Variants in SAMD12 observed in about 807,000 individuals in gnomAD.
The protein encoded by SAMD12 is sterile alpha motif domain-containing protein 12.
A neutral mutation model predicts 15.0 loss-of-function variants in SAMD12; 9 were observed. The ratio of observed to expected loss-of-function variants is 0.60; its 90% CI spans 0.36 to 1.05. The LOEUF (loss-of-function observed/expected upper bound fraction) is 1.05, where lower values mean the gene tolerates loss of function less well. Ranked by LOEUF, SAMD12 falls within the 50% of genes least tolerant of loss-of-function variation. The probability of loss-of-function intolerance (pLI) is 0.01; values close to 1 mark genes in which losing one functional copy is unlikely to be tolerated. For missense variants in SAMD12, 230 were observed against 234.2 expected (o/e 0.98, Z 0.12); for synonymous variants, 86 against 90.1 (o/e 0.96, Z 0.25).
chr8:118,528,743 T>C (rs1295553794), intron 2 of SAMD12, among the ~76,000 whole-genome samples: 1 of 152,216 alleles, frequency 6.6e-6, no homozygotes, highest in East Asian at 1.9e-4. Context: ...CTGCTATCTG[T>C]ATTTCTGTGC....
chr8:118,317,884 C>A (rs1206559836), intron 4 of SAMD12, among the ~76,000 whole-genome samples: 3 of 152,006 alleles, frequency 2.0e-5, no homozygotes, highest in Non-Finnish European at 4.4e-5. Context: ...AAAAAGTAGG[C>A]AAATGACATG....
chr8:118,269,324 A>T (rs893644010), intron 4 of SAMD12, among the ~76,000 whole-genome samples: 1 of 151,788 alleles, frequency 6.6e-6, no homozygotes, highest in African/African-American at 2.4e-5. Context: ...AGAATGTTTT[A>T]GAAATCAATA....
At chr8:118,254,560 C>G (rs2630118) in intron 4 of SAMD12, among the ~76,000 whole-genome samples, 13 of 152,194 alleles carry the variant, frequency 8.5e-5, no homozygotes, top group African/African-American at 3.1e-4. Context: ...TTCCTTCTGT[C>G]CTGGGGCCTC....
chr8:118,209,500 G>A (rs932812750), intron 4 of SAMD12, among the ~76,000 whole-genome samples: 4 of 152,184 alleles, frequency 2.6e-5, no homozygotes, highest in Non-Finnish European at 5.9e-5. Context: ...AAACTGTGTG[G>A]ACTGGGCTAT....
chr8:118,152,357 C>T, the SAMD12 span, among the ~76,000 whole-genome samples: 1 of 152,130 alleles, frequency 6.6e-6, no homozygotes, highest in East Asian at 1.9e-4. Context: ...TTCAAAATAG[C>T]CAGAATTTTG....
intron 2 of SAMD12, among the ~76,000 whole-genome samples, chr8:118,521,925 C>T (rs1038825785): frequency 1.3e-5 from 2 of 151,964 alleles, no homozygotes; most frequent in East Asian, 3.9e-4. Flanking sequence ...GATTACTCAA[C>T]AAGGAATCTT....
At chr8:118,399,662 A>G (rs1257582125) in intron 3 of SAMD12, among the ~76,000 whole-genome samples, 2 of 152,116 alleles carry the variant, frequency 1.3e-5, no homozygotes, top group African/African-American at 2.4e-5. Flanking sequence ...CTTCTGCCCA[A>G]TCCTGCTTCT....
intron 3 of SAMD12, among the ~76,000 whole-genome samples, chr8:118,393,443 T>C (rs894459952): frequency 6.6e-6 from 1 of 152,080 alleles, no homozygotes; most frequent in African/African-American, 2.4e-5. Flanking sequence ...GGTCTCCTTA[T>C]GCTGCCCGGA....
chr8:118,299,960 G>A (rs1814929861), intron 4 of SAMD12, among the ~76,000 whole-genome samples: 1 of 152,072 alleles, frequency 6.6e-6, no homozygotes, highest in Non-Finnish European at 1.5e-5. Context: ...TGGGTATTGG[G>A]ATAAGTCTGT....
At chr8:118,491,181 A>C (rs901357456) in intron 2 of SAMD12, among the ~76,000 whole-genome samples, 7 of 152,172 alleles carry the variant, frequency 4.6e-5, no homozygotes, top group Non-Finnish European at 1.0e-4. Flanking sequence ...TCCTTGAAGA[A>C]ACTGAGTTCT....
chr8:118,395,414 G>A (rs572341078), intron 3 of SAMD12, among the ~76,000 whole-genome samples: 28 of 152,080 alleles, frequency 1.8e-4, no homozygotes, highest in Non-Finnish European at 3.4e-4. Flanking sequence ...TTCTCAAATT[G>A]AGCTGTCTCT....
At chr8:118,366,446 T>C (rs1818771686) in intron 4 of SAMD12, among the ~76,000 whole-genome samples, 1 of 152,182 alleles carries the variant, frequency 6.6e-6, no homozygotes, top group Admixed American at 6.6e-5. Context: ...AAATAGTAGT[T>C]GACACTTAGT....
intron 2 of SAMD12, among the ~76,000 whole-genome samples, chr8:118,461,627 A>G (rs963453969): frequency 6.6e-5 from 10 of 152,184 alleles, no homozygotes; most frequent in African/African-American, 1.2e-4. Flanking sequence ...TAAATACGGG[A>G]CAGTACTTTT....
intron 4 of SAMD12, among the ~76,000 whole-genome samples, chr8:118,252,818 T>G (rs1362975014): frequency 6.6e-6 from 1 of 152,166 alleles, no homozygotes; most frequent in Non-Finnish European, 1.5e-5. Context: ...TCCAAAGAGC[T>G]GAAATCTAAG....
chr8:118,359,417 C>T (rs1399204113), intron 4 of SAMD12, among the ~76,000 whole-genome samples: 1 of 152,100 alleles, frequency 6.6e-6, no homozygotes, highest in East Asian at 1.9e-4. Flanking sequence ...CTATGGCAGC[C>T]CCAGCCGACT....
chr8:118,540,771 A>G (rs1825965467), intron 2 of SAMD12, among the ~76,000 whole-genome samples: 1 of 152,156 alleles, frequency 6.6e-6, no homozygotes, highest in Admixed American at 6.5e-5. Flanking sequence ...GAATATATGC[A>G]AAGATTGGGT....
At chr8:118,542,329 T>C (rs568818345) in intron 2 of SAMD12, among the ~76,000 whole-genome samples, 6 of 152,348 alleles carry the variant, frequency 3.9e-5, no homozygotes, top group Admixed American at 2.6e-4. Flanking sequence ...TTCCATTAAT[T>C]TTCCAAATAG....
At chr8:118,419,377 T>A (rs1454580111) in intron 3 of SAMD12, among the ~76,000 whole-genome samples, 1 of 152,188 alleles carries the variant, frequency 6.6e-6, no homozygotes, top group Admixed American at 6.5e-5. Flanking sequence ...GGTTTGAAAA[T>A]GTGTGTGAAA....
At chr8:118,323,763 T>C (rs1816426748) in intron 4 of SAMD12, among the ~76,000 whole-genome samples, 2 of 152,094 alleles carry the variant, frequency 1.3e-5, no homozygotes, top group African/African-American at 4.8e-5. Context: ...AGTGAGACCC[T>C]GTCTTCTTTA....
Sources: allele counts gnomAD v4.1 joint callset (sites outside exome capture counted in the v4.1 genomes callset), GRCh38; gene constraint gnomAD v4.1.1; transcripts MANE v1.5; gene names NCBI Gene and HGNC (gene_info 2026-07-23, HGNC 2026-07-21).